The following POC5 variants were observed in gnomAD, a reference collection of about 807,000 sequenced individuals.
POC5 encodes the protein centrosomal protein POC5.
Under a neutral mutation model 62.9 loss-of-function variants are expected in POC5, and 48 were observed. That is an observed-to-expected ratio of 0.76 (90% CI 0.61 to 0.97). The LOEUF (loss-of-function observed/expected upper bound fraction) is 0.97, where lower values mean the gene tolerates loss of function less well. Among genes scored for constraint, POC5 ranks in the 50% least tolerant of loss-of-function variants. POC5 has a pLI of 0.00. For synonymous variants in POC5, 236 were observed against 228.2 expected (o/e 1.03, Z -0.31); for missense variants, 696 against 679.5 (o/e 1.02, Z -0.27).
chr5:75,688,911 T>C (rs1776202837), intron 9 of POC5, 101 bp downstream of exon 9: 1 of 1,141,344 alleles, frequency 8.8e-7, no homozygotes, highest in South Asian at 2.7e-5. Context: ...GGATGAAACA[T>C]ACCTACTGCA....
chr5:75,682,699 T>G (rs1298923313), intron 10 of POC5, among the ~76,000 whole-genome samples: 2 of 151,804 alleles, frequency 1.3e-5, no homozygotes, highest in Non-Finnish European at 2.9e-5. Flanking sequence ...TGTATTTTTG[T>G]AGAGACAGGG....
intron 1 of POC5, among the ~76,000 whole-genome samples, chr5:75,714,778 C>T (rs996715599): frequency 2.0e-4 from 31 of 152,182 alleles, no homozygotes; most frequent in African/African-American, 4.8e-4. Flanking sequence ...ACACTGGCTA[C>T]GTAGTGCGCT....
chr5:75,692,140 T>C (rs1250660358), intron 7 of POC5, among the ~76,000 whole-genome samples: 1 of 152,164 alleles, frequency 6.6e-6, no homozygotes, highest in Non-Finnish European at 1.5e-5. Flanking sequence ...GCCTTTACAA[T>C]TTAGGAACAA....
At chr5:75,697,835 G>C (rs922987218) in intron 5 of POC5, among the ~76,000 whole-genome samples, 51 of 149,750 alleles carry the variant, frequency 3.4e-4, no homozygotes, top group African/African-American at 1.1e-3. Context: ...CTCACGGGCA[G>C]AGACACACAT....
At chr5:75,712,384 T>G (rs371113949) in intron 2 of POC5, 8 of 1,608,182 alleles carry the variant, frequency 5.0e-6, no homozygotes, top group Non-Finnish European at 5.1e-6. Context: ...ACCCACTTCA[T>G]TTTATCTGTC....
At position 75,674,357 on chromosome 5, in the gene POC5, G is replaced by C. The variant is rs1775571747; in HGVS notation, c.*78C>G. ...GTCTCCATGATGTTCTAACAATATG[G>C]AAAAGTTAAAACCAAAAGACTTCTA... On this transcript the variant is annotated 3_prime_UTR_variant, in exon 12 of 12. Transcript: ENST00000428202. 3 of 1,450,382 alleles carry C rather than the reference G, an allele frequency of 2.1e-6. No individual in the cohort carries two copies. The highest frequency in any genetic ancestry group is 1.4e-5 in the African/African-American group (1 of 70,118). 89.8% of individuals were successfully genotyped at this position (1,450,382 alleles called of 1,614,324 possible).
intron 2 of POC5, among the ~76,000 whole-genome samples, chr5:75,708,843 T>A (rs541426153): frequency 6.6e-6 from 1 of 152,040 alleles, no homozygotes; most frequent in Admixed American, 6.5e-5. Flanking sequence ...TTTTTCTTCT[T>A]TTTTTTTGAG....
At chr5:75,716,726 C>T (rs1433620851) in intron 1 of POC5, among the ~76,000 whole-genome samples, 2 of 152,164 alleles carry the variant, frequency 1.3e-5, no homozygotes, top group Non-Finnish European at 1.5e-5. Context: ...TTCTCTGTTG[C>T]CAGAAACATA....
intron 2 of POC5, among the ~76,000 whole-genome samples, chr5:75,710,325 C>T (rs1160706688): frequency 6.6e-6 from 1 of 152,196 alleles, no homozygotes. Flanking sequence ...AAAAGTGTGG[C>T]TGTTATGGAG....
At position 75,694,811 on chromosome 5, in the gene POC5, T is replaced by C. The variant is rs759006713; in HGVS notation, c.534A>G (p.Leu178=). The change falls in exon 6 of 12, where the codon CTA becomes CTG. Residue 178 remains leucine (L), a synonymous_variant. Coordinates refer to ENST00000428202, the MANE Select transcript of POC5 (RefSeq NM_001099271.2). ...CAATAAAATTAAGTCTCCATTTACTTAGTTCAGATATGATGTTTGTCTGAA... is the reference window on the plus strand; with the variant it reads ...CAATAAAATTAAGTCTCCATTTACTCAGTTCAGATATGATGTTTGTCTGAA... The part of the protein sequence containing the change: ...SGLKTNIISE[L]SKWRLNFIDW... The C allele has an allele frequency of 5.1e-5, 79 of 1,543,072 alleles. 1 individual carries two copies. In the Middle Eastern group the frequency reaches 5.9e-4, roughly 12 times the overall value.
chr5:75,702,912 G>T, intron 4 of POC5, 102 bp from the exon 5 acceptor site: 1 of 887,368 alleles, frequency 1.1e-6, no homozygotes, highest in Non-Finnish European at 1.7e-6. Flanking sequence ...ACTTATGGAG[G>T]CTGAGAAAAA....
chr5:75,702,729 G>A lies in POC5; in HGVS notation c.389C>T (p.Ser130Phe), dbSNP rs760176854. The A allele has an allele frequency of 6.2e-7, 1 of 1,606,210 alleles. No individual in the cohort carries two copies. Among genetic ancestry groups the A allele is most frequent in the Admixed American group, 1.7e-5 (1 of 58,732 alleles). The change falls in exon 5 of 12, where the codon TCC becomes TTC. Residue 130 changes from serine (S) to phenylalanine (F), a missense_variant. By Grantham distance (155) the Ser-to-Phe change is radical. Transcript: ENST00000428202. ...ATGACTAGAATTTGTTGCTGGTGAG[G>A]AAGAGTCAGCTAAAAGATGTGAACT... ...FFSSHLLADSSSPATNSSHTD... is the reference protein window; with the variant it reads ...FFSSHLLADSFSPATNSSHTD...
chr5:75,705,251 A>C (rs1777070366), intron 4 of POC5: 1 of 152,360 alleles, frequency 6.6e-6, no homozygotes, highest in South Asian at 2.1e-4. Flanking sequence ...AGCCTCTTTA[A>C]GATTTGCTAA....
At position 75,677,754 on chromosome 5, in the gene POC5, G is replaced by A. The variant is rs1239204788; in HGVS notation, c.1584+20C>T. 1.9e-6 allele frequency: 3 copies of A among 1,539,982 alleles called. No individual in the cohort carries two copies. Among genetic ancestry groups the A allele is most frequent in the East Asian group, 2.4e-5 (1 of 41,940 alleles). ...CAGGAAAAAGACTTTTTGACAAAAG[G>A]TCATCAAATGTGGACTCACCACTGT... On this transcript the variant is annotated intron_variant, in intron 11 of 11. Transcript: ENST00000428202.
intron 1 of POC5, among the ~76,000 whole-genome samples, chr5:75,713,323 A>G (rs1777426220): frequency 6.6e-6 from 1 of 152,242 alleles, no homozygotes; most frequent in South Asian, 2.1e-4. Flanking sequence ...TTCTTGGGAA[A>G]CTTACCTTTG....
chr5:75,699,496 G>A (rs1776770897), intron 5 of POC5, among the ~76,000 whole-genome samples: 2 of 148,480 alleles, frequency 1.3e-5, no homozygotes, highest in Admixed American at 1.4e-4. Flanking sequence ...ATGCAGAAAA[G>A]GCCTTTGACA....
At chr5:75,682,957 TAAAA>T (rs1246604003) in intron 10 of POC5, among the ~76,000 whole-genome samples, 2 of 152,226 alleles carry the variant, frequency 1.3e-5, no homozygotes, top group African/African-American at 4.8e-5. Context: ...TCTCGAAAGG[TAAAA>T]ATTCAAACCT....
chr5:75,714,575 G>A (rs1458285160), intron 1 of POC5, among the ~76,000 whole-genome samples: 1 of 152,188 alleles, frequency 6.6e-6, no homozygotes, highest in African/African-American at 2.4e-5. Flanking sequence ...AGATCAAGGG[G>A]TTAAAAAGAA....
At chr5:75,710,358 T>G (rs1046092997) in intron 2 of POC5, among the ~76,000 whole-genome samples, 5 of 152,190 alleles carry the variant, frequency 3.3e-5, no homozygotes, top group African/African-American at 1.2e-4. Context: ...AATGTTTGTG[T>G]CCCCTCAAAA....
Sources: gnomAD v4.1 joint callset for allele counts (sites outside exome capture counted in the v4.1 genomes callset) on GRCh38, gnomAD v4.1.1 for gene constraint, MANE v1.5 for transcripts, NCBI Gene and HGNC (gene_info 2026-07-23, HGNC 2026-07-21) for gene names.